MINPP1: variants seen among roughly 807,000 people sequenced by gnomAD.
MINPP1 encodes the protein multiple inositol-polyphosphate phosphatase 1.
In MINPP1, 28 loss-of-function variants were observed where a neutral mutation model predicts 46.1. The ratio of observed to expected loss-of-function variants is 0.61; its 90% CI spans 0.45 to 0.83. MINPP1 has a LOEUF of 0.83. MINPP1 is among the 40% of genes least tolerant of loss of function. MINPP1 has a pLI of 0.00. For synonymous variants in MINPP1, 268 were observed against 249.1 expected (o/e 1.08, Z -0.72); for missense variants, 603 against 610.0 (o/e 0.99, Z 0.12).
At chr10:87,514,603 T>TAA (rs1247038250) in intron 3 of MINPP1, among the ~76,000 whole-genome samples, 13 of 152,322 alleles carry the variant, frequency 8.5e-5, no homozygotes, top group Middle Eastern at 3.4e-3. Flanking sequence ...TGATATTTTT[T>TAA]ACTCAGGATT....
Position 87,520,057 on chromosome 10 carries a change from A to AGTTGTGTGTGTGTGTGTGTGT in MINPP1, c.934-977_934-976insTGTGTGTGTGTGTGTGTGTGT, listed in dbSNP as rs1554852418. Among the ~76,000 whole-genome samples the AGTTGTGTGTGTGTGTGTGTGT allele has an allele frequency of 7.4e-4, 109 of 147,472 alleles. 1 individual carries two copies. The highest frequency in any genetic ancestry group is 1.3e-3 in the African/African-American group (50 of 39,350). ...TCATTCTTAGAAATATAAAAGGTAT[A>AGTTGTGTGTGTGTGTGTGTGT]GTGTGTGTGTGTGTGTGTGTGTTGG... On this transcript the variant is annotated intron_variant, in intron 3 of 4. Coordinates refer to ENST00000371996, the MANE Select transcript of MINPP1 (RefSeq NM_004897.5).
intron 4 of MINPP1, among the ~76,000 whole-genome samples, chr10:87,524,651 T>G (rs1474043396): frequency 6.6e-6 from 1 of 152,174 alleles, no homozygotes; most frequent in Non-Finnish European, 1.5e-5. Context: ...GATGTGTGAG[T>G]CTTGCTTTCA....
At chr10:87,512,766 C>T (rs764997645) in intron 2 of MINPP1, among the ~76,000 whole-genome samples, 6 of 151,738 alleles carry the variant, frequency 4.0e-5, no homozygotes, top group Non-Finnish European at 7.4e-5. Context: ...CCCAGGAATC[C>T]GAGTTTGCAG....
intron 4 of MINPP1, among the ~76,000 whole-genome samples, chr10:87,525,412 A>G (rs530831885): frequency 2.6e-5 from 4 of 152,204 alleles, no homozygotes; most frequent in Non-Finnish European, 4.4e-5. Flanking sequence ...ACAGGCTTTT[A>G]TGATTTAGCA....
chr10:87,521,930 T>C (rs1221838966), intron 4 of MINPP1, among the ~76,000 whole-genome samples: 1 of 152,206 alleles, frequency 6.6e-6, no homozygotes, highest in African/African-American at 2.4e-5. Context: ...AGGAATCCTC[T>C]CCCGTTGGTC....
Position 87,521,236 on chromosome 10 carries a change from T to A in MINPP1, c.1067+67T>A. On this transcript the variant is annotated intron_variant, in intron 4 of 4. Coordinates refer to ENST00000371996, the MANE Select transcript of MINPP1 (RefSeq NM_004897.5). Reference sequence around the variant, plus strand: ...TACTAAACTTCTGGAAATTTTTTTATAATGAGTAATTTTAAAAAATAGTTT... The same window carrying A: ...TACTAAACTTCTGGAAATTTTTTTAAAATGAGTAATTTTAAAAAATAGTTT... 8.6e-6 allele frequency: 11 copies of A among 1,275,950 alleles called. No individual in the cohort carries two copies. The South Asian group carries it at 9.1e-5, about 11-fold the overall frequency. 79.0% of individuals were successfully genotyped at this position (1,275,950 alleles called of 1,614,324 possible). A position where few individuals can be genotyped will look rare whatever the true frequency, so the allele number is the denominator to read the frequency against.
intron 4 of MINPP1, among the ~76,000 whole-genome samples, chr10:87,535,691 G>T (rs1426742042): frequency 2.6e-5 from 4 of 152,146 alleles, no homozygotes; most frequent in Non-Finnish European, 4.4e-5. Flanking sequence ...ACTTTGGGAG[G>T]CCAAGGCAGG....
At chr10:87,511,898 G>A (rs1379736787) in intron 2 of MINPP1, among the ~76,000 whole-genome samples, 1 of 152,126 alleles carries the variant, frequency 6.6e-6, no homozygotes, top group Non-Finnish European at 1.5e-5. Flanking sequence ...CTTTACGTAA[G>A]CAAAGTTTTG....
At chr10:87,550,657 G>GC (rs534970311) in intron 4 of MINPP1, among the ~76,000 whole-genome samples, 70 of 151,968 alleles carry the variant, frequency 4.6e-4, no homozygotes, top group African/African-American at 1.6e-3. Flanking sequence ...ATCTCACAGA[G>GC]CCCCCCCGTT....
At position 87,505,270 on chromosome 10, in the gene MINPP1, G is replaced by A. The variant is rs766243030; in HGVS notation, c.355G>A (p.Ala119Thr). ...LQARGSRDGG[A>T]SSTGSRDLGA... ...GGCCCGCGGGTCCAGGGATGGCGGG[G>A]CTAGTAGTACCGGCAGCCGCGACCT... The change falls in exon 1 of 5, where the codon GCT becomes ACT. Residue 119 changes from alanine to threonine, a missense_variant. By Grantham distance (58) the Ala-to-Thr change is moderately conservative (BLOSUM62 0). This residue lies in a region of MINPP1 where 239 missense variants were observed against 189.4 expected (regional missense o/e 1.26). Transcript: ENST00000371996. This position sits in a 1 kb window ranked among gnomAD's most constrained non-coding sequence, Gnocchi z 4.4. 4.3e-6 allele frequency: 7 copies of A among 1,611,622 alleles called. No individual in the cohort carries two copies. The South Asian group carries it at 6.6e-5, about 15-fold the overall frequency.
intron 4 of MINPP1, among the ~76,000 whole-genome samples, chr10:87,536,415 A>T (rs1278968005): frequency 6.6e-6 from 1 of 152,168 alleles, no homozygotes; most frequent in Non-Finnish European, 1.5e-5. Flanking sequence ...TAATAACTCG[A>T]TTGAGGTATA....
chr10:87,546,958 A>T (rs751669541), intron 4 of MINPP1, among the ~76,000 whole-genome samples: 1 of 152,096 alleles, frequency 6.6e-6, no homozygotes, highest in Non-Finnish European at 1.5e-5. Context: ...AAAAAATATC[A>T]TTTAAAAAAA....
At chr10:87,510,045 G>C (rs56874785) in intron 2 of MINPP1, among the ~76,000 whole-genome samples, 1 of 152,168 alleles carries the variant, frequency 6.6e-6, no homozygotes, top group Non-Finnish European at 1.5e-5. Flanking sequence ...ATTTGCATTT[G>C]AATCTTGACT....
At chr10:87,533,505 A>G (rs1051643383) in intron 4 of MINPP1, among the ~76,000 whole-genome samples, 1 of 152,200 alleles carries the variant, frequency 6.6e-6, no homozygotes, top group African/African-American at 2.4e-5. Flanking sequence ...AAGTATCTCC[A>G]GATTTTATTT....
chr10:87,534,042 ATTTTTTT>A (rs58579107), intron 4 of MINPP1, among the ~76,000 whole-genome samples: 2 of 55,374 alleles, frequency 3.6e-5, no homozygotes, highest in Non-Finnish European at 6.4e-5. Flanking sequence ...CTGGCTAAAT[ATTTTTTT>A]TTTTTTTTTT....
At chr10:87,525,031 T>A (rs774284459) in intron 4 of MINPP1, among the ~76,000 whole-genome samples, 2 of 152,126 alleles carry the variant, frequency 1.3e-5, no homozygotes, top group Non-Finnish European at 2.9e-5. Flanking sequence ...TTGGAAAAAT[T>A]ACACAGATGG....
At chr10:87,523,237 T>C (rs1247313722) in intron 4 of MINPP1, among the ~76,000 whole-genome samples, 1 of 152,244 alleles carries the variant, frequency 6.6e-6, no homozygotes, top group Non-Finnish European at 1.5e-5. Context: ...GAAACCTTTC[T>C]GGGAGGTTTC....
intron 2 of MINPP1, chr10:87,509,592 C>T (rs994732414): frequency 5.5e-5 from 10 of 182,916 alleles, no homozygotes; most frequent in Non-Finnish European, 9.6e-5. Context: ...AAATTGAGGT[C>T]TACTGGTCCC....
chr10:87,535,103 A>C (rs1164243594), intron 4 of MINPP1, among the ~76,000 whole-genome samples: 1 of 152,110 alleles, frequency 6.6e-6, no homozygotes, highest in Admixed American at 6.5e-5. Flanking sequence ...TCATCTCTGC[A>C]GTTCATGGTA....
Sources: gnomAD v4.1 joint callset for allele counts (sites outside exome capture counted in the v4.1 genomes callset) on GRCh38, gnomAD v4.1.1 for gene constraint, gnomAD v4.1.1 regional missense constraint, Gnocchi (gnomAD v3.1) non-coding constraint, MANE v1.5 for transcripts, NCBI Gene and HGNC (gene_info 2026-07-23, HGNC 2026-07-21) for gene names.